Variants in LAMA3 observed in about 807,000 individuals in gnomAD.
LAMA3 encodes laminin subunit alpha 3.
LAMA3 carries 281 observed loss-of-function variants against 402.0 expected under a neutral mutation model. That is an observed-to-expected ratio of 0.70 (90% CI 0.63 to 0.77). The LOEUF is 0.77. Among genes scored for constraint, LAMA3 ranks in the 30% least tolerant of loss-of-function variants. The pLI is 0.00. For synonymous variants in LAMA3, 1,431 were observed against 1,558.4 expected (o/e 0.92, Z 1.93); for missense variants, 3,840 against 4,215.5 (o/e 0.91, Z 2.47).
At chr18:23,840,755 T>A (rs1010733575) in intron 27 of LAMA3, among the ~76,000 whole-genome samples, 1 of 152,310 alleles carries the variant, frequency 6.6e-6, no homozygotes, top group South Asian at 2.1e-4. Flanking sequence ...ACTTTTAAAG[T>A]TCTGCATTAT....
chr18:23,738,491 A>G (rs1401261333), intron 2 of LAMA3, among the ~76,000 whole-genome samples: 2 of 152,112 alleles, frequency 1.3e-5, no homozygotes, highest in Admixed American at 6.5e-5. Flanking sequence ...ACAGTACTCA[A>G]TGAGGGTGGA....
chr18:23,812,075 A>T (rs112355103), intron 13 of LAMA3, among the ~76,000 whole-genome samples: 1 of 151,900 alleles, frequency 6.6e-6, no homozygotes, highest in African/African-American at 2.4e-5. Flanking sequence ...GGGTTTCACC[A>T]TGTCAGCCAG....
At chr18:23,889,890 A>G (rs1399958907) in intron 41 of LAMA3, 121 bp from the exon 42 acceptor site, 8 of 786,012 alleles carry the variant, frequency 1.0e-5, no homozygotes, top group Non-Finnish European at 1.9e-5. Context: ...TTGCAGATCT[A>G]TGTCGGTCTT....
intron 35 of LAMA3, among the ~76,000 whole-genome samples, chr18:23,863,432 G>A (rs1287827041): frequency 1.3e-5 from 2 of 152,154 alleles, no homozygotes; most frequent in South Asian, 2.1e-4. Context: ...GCGACAGAGC[G>A]AGACTCCATC....
Position 23,944,064 on chromosome 18 carries a change from T to C in LAMA3, c.9210+93T>C, listed in dbSNP as rs2082622130. The stretch of plus-strand genomic sequence containing the variant: ...GGAGTCCCAGCATCCTTCCCAGACA[T>C]GAGGGCGTGGAGTGGGAGAGCTTGT... On this transcript the variant is annotated intron_variant, in intron 69 of 74. Coordinates refer to ENST00000313654, the MANE Select transcript of LAMA3 (RefSeq NM_198129.4). 3.9e-6 allele frequency: 5 copies of C among 1,273,284 alleles called. No homozygotes were observed. In the South Asian group the frequency reaches 6.4e-5, roughly 16 times the overall value. 78.9% of individuals were successfully genotyped at this position (1,273,284 alleles called of 1,614,324 possible).
chr18:23,884,380 A>G (rs548820171), intron 40 of LAMA3, among the ~76,000 whole-genome samples: 1 of 152,222 alleles, frequency 6.6e-6, no homozygotes, highest in South Asian at 2.1e-4. Flanking sequence ...ATCAACAAGG[A>G]GAACGTTTTT....
chr18:23,846,475 G>A lies in LAMA3; in HGVS notation c.3898G>A (p.Ala1300Thr). ...NVIGRQCTRC[A>T]TGHYGFPRCK... The stretch of plus-strand genomic sequence containing the variant: ...CATCGGGCGGCAGTGCACCCGCTGT[G>A]CAACAGGCCACTACGGATTCCCACG... Residue 1300 changes from alanine to threonine, a missense_variant, in exon 31 of 75, where the codon GCA (alanine) becomes ACA (threonine). By Grantham distance (58) the Ala-to-Thr change is moderately conservative (BLOSUM62 0). Coordinates refer to ENST00000313654, the MANE Select transcript of LAMA3 (RefSeq NM_198129.4). 1 of 1,612,212 alleles carries A rather than the reference G, an allele frequency of 6.2e-7. No homozygotes were observed. Among genetic ancestry groups the A allele is most frequent in the Non-Finnish European group, 8.5e-7 (1 of 1,180,024 alleles).
chr18:23,825,271 G>C (rs924484053), intron 21 of LAMA3, among the ~76,000 whole-genome samples: 2 of 152,214 alleles, frequency 1.3e-5, no homozygotes, highest in African/African-American at 4.8e-5. Context: ...GATGAAACCT[G>C]TTCTCTGAGA....
At chr18:23,760,794 G>C (rs1028479706) in intron 7 of LAMA3, among the ~76,000 whole-genome samples, 2 of 152,182 alleles carry the variant, frequency 1.3e-5, no homozygotes, top group African/African-American at 4.8e-5. Flanking sequence ...CTGGAGGCTG[G>C]TAAGTCCAAG....
intron 60 of LAMA3, among the ~76,000 whole-genome samples, chr18:23,919,317 C>T (rs958378183): frequency 6.6e-6 from 1 of 152,248 alleles, no homozygotes; most frequent in Middle Eastern, 3.4e-3. Flanking sequence ...AAAAGCAAAG[C>T]CTTCAAGCCC....
chr18:23,914,338 T>A, intron 56 of LAMA3, 72 bp from the exon 57 acceptor site: 1 of 1,540,444 alleles, frequency 6.5e-7, no homozygotes, highest in Non-Finnish European at 9.0e-7. Flanking sequence ...TTGAAATGCA[T>A]CCTCATCCTC....
intron 12 of LAMA3, among the ~76,000 whole-genome samples, chr18:23,806,743 C>T (rs1448311626): frequency 6.6e-6 from 1 of 152,196 alleles, no homozygotes; most frequent in Non-Finnish European, 1.5e-5. Flanking sequence ...ATTCAGACCT[C>T]GCAGGATGAA....
At chr18:23,770,170 T>C (rs2062164124) in intron 8 of LAMA3, among the ~76,000 whole-genome samples, 1 of 152,200 alleles carries the variant, frequency 6.6e-6, no homozygotes, top group South Asian at 2.1e-4. Flanking sequence ...TACCATCCTA[T>C]TGGCAATTTA....
chr18:23,803,188 A>G lies in LAMA3; in HGVS notation c.1604-7178A>G, dbSNP rs141244354. Among the ~76,000 whole-genome samples, 1,180 of 152,314 alleles carry G rather than the reference A, an allele frequency of 7.7e-3. 11 individuals are homozygous for G. Among genetic ancestry groups the G allele is most frequent in the Middle Eastern group, 0.01 (3 of 294 alleles). On this transcript the variant is annotated intron_variant, in intron 12 of 74. Transcript: ENST00000313654. The stretch of plus-strand genomic sequence containing the variant: ...TATCCAAGTAAGTGTCCATTCCAAT[A>G]AGAACAAAACACTTCCCCTTCCATG...
At chr18:23,837,129 T>A in intron 25 of LAMA3, 40 bp downstream of exon 25, 1 of 1,352,292 alleles carries the variant, frequency 7.4e-7, no homozygotes, top group Non-Finnish European at 1.1e-6. Context: ...AGAAGCATTT[T>A]GCTGATATCT....
intron 2 of LAMA3, among the ~76,000 whole-genome samples, chr18:23,722,224 C>G (rs1057220728): frequency 5.9e-5 from 9 of 152,184 alleles, no homozygotes; most frequent in Non-Finnish European, 7.3e-5. Context: ...TCCCACCTTG[C>G]CTGGTCTGGC....
chr18:23,838,746 G>A, intron 25 of LAMA3, 35 bp from the exon 26 acceptor site: 1 of 1,213,086 alleles, frequency 8.2e-7, no homozygotes, highest in Non-Finnish European at 1.2e-6. Context: ...GCTGGTAACT[G>A]CAATGTGCCT....
At chr18:23,711,310 T>C (rs560324125) in intron 1 of LAMA3, among the ~76,000 whole-genome samples, 84 of 152,356 alleles carry the variant, frequency 5.5e-4, no homozygotes, top group Non-Finnish European at 9.1e-4. Flanking sequence ...ACTTGAAATA[T>C]ATATTTGATA....
In LAMA3 at chr18:23,903,972, C is replaced by T; in HGVS notation, c.6358C>T (p.Gln2120Ter). 1 of 1,613,710 alleles carries T rather than the reference C, an allele frequency of 6.2e-7. No homozygotes were observed. Residue 2120 changes from glutamine (Q) to a stop codon, truncating the protein, a stop_gained, in exon 50 of 75, where the codon CAA (glutamine) becomes TAA (stop). Coordinates refer to ENST00000313654, the MANE Select transcript of LAMA3 (RefSeq NM_198129.4). LOFTEE classifies it high-confidence loss of function. The stretch of plus-strand genomic sequence containing the variant: ...AGCTGCCAGTTTAAATGAAGCAAGA[C>T]AAGAACTAAGTGACAAAGTAAGAGA... Reference protein sequence around the residue: ...KLAASLNEARQELSDKVRELS... With the variant: ...KLAASLNEAR
Sources: gnomAD v4.1 joint callset for allele counts (sites outside exome capture counted in the v4.1 genomes callset) on GRCh38, gnomAD v4.1.1 for gene constraint, MANE v1.5 for transcripts, NCBI Gene and HGNC (gene_info 2026-07-23, HGNC 2026-07-21) for gene names.